The following RANBP17 variants were observed in gnomAD, a reference collection of about 807,000 sequenced individuals.
RANBP17 encodes RAN binding protein 17, also known as ran-binding protein 17.
A neutral mutation model predicts 141.2 loss-of-function variants in RANBP17; 158 were observed. The ratio of observed to expected loss-of-function variants is 1.12; its 90% CI spans 0.98 to 1.28. RANBP17 has a LOEUF of 1.28. Among genes scored for constraint, RANBP17 ranks in the 50% most tolerant of loss-of-function variants. The probability of loss-of-function intolerance (pLI) is 0.00; values close to 1 mark genes in which losing one functional copy is unlikely to be tolerated. For synonymous variants in RANBP17, 430 were observed against 450.0 expected (o/e 0.96, Z 0.56); for missense variants, 1,438 against 1,290.7 (o/e 1.11, Z -1.75).
At chr5:170,932,031 A>C (rs1387451501) in intron 12 of RANBP17, among the ~76,000 whole-genome samples, 1 of 152,064 alleles carries the variant, frequency 6.6e-6, no homozygotes, top group African/African-American at 2.4e-5. Flanking sequence ...GATTCTTCCT[A>C]TCCATGAGCA....
intron 14 of RANBP17, among the ~76,000 whole-genome samples, chr5:171,085,199 G>C (rs1332960392): frequency 7.2e-6 from 1 of 138,388 alleles, no homozygotes; most frequent in African/African-American, 2.7e-5. Context: ...AGTTTTCCCA[G>C]CACCATTTAT....
intron 24 of RANBP17, among the ~76,000 whole-genome samples, chr5:171,251,136 T>G (rs903020759): frequency 1.3e-5 from 2 of 152,230 alleles, no homozygotes; most frequent in African/African-American, 2.4e-5. Context: ...TCACCCAGGC[T>G]GGAGCACAGT....
intron 12 of RANBP17, among the ~76,000 whole-genome samples, chr5:170,950,434 G>T (rs1269524414): frequency 1.3e-5 from 2 of 151,728 alleles, no homozygotes; most frequent in Non-Finnish European, 2.9e-5. Flanking sequence ...GACATGAATA[G>T]ACATTTCTCA....
intron 12 of RANBP17, among the ~76,000 whole-genome samples, chr5:170,948,215 A>T (rs1324674278): frequency 1.3e-5 from 2 of 152,186 alleles, no homozygotes; most frequent in African/African-American, 4.8e-5. Context: ...AGTATATCAT[A>T]GCAAAAGAGG....
chr5:170,916,622 T>C (rs767536932), intron 9 of RANBP17, 38 bp downstream of exon 9: 1 of 1,364,716 alleles, frequency 7.3e-7, no homozygotes, highest in East Asian at 2.4e-5. Flanking sequence ...CATATAGAGA[T>C]ACAGTTTTTC....
At chr5:170,952,552 C>T (rs1023444599) in intron 12 of RANBP17, among the ~76,000 whole-genome samples, 19 of 152,078 alleles carry the variant, frequency 1.2e-4, no homozygotes, top group Admixed American at 3.9e-4. Context: ...CATGGGAGAA[C>T]AGAAAGAATT....
intron 3 of RANBP17, among the ~76,000 whole-genome samples, chr5:170,887,322 C>T (rs536190788): frequency 4.6e-5 from 7 of 152,200 alleles, no homozygotes; most frequent in Middle Eastern, 3.4e-3. Flanking sequence ...TTCTTTCTTT[C>T]GTGGATTATG....
intron 14 of RANBP17, among the ~76,000 whole-genome samples, chr5:171,016,586 A>C (rs10475968): frequency 0.59 from 89,503 of 151,250 alleles, 28,385 homozygotes; most frequent in South Asian, 0.88. Flanking sequence ...CACAATGTGC[A>C]GGTTTTTTAC....
chr5:171,210,793 T>A (rs1188675443), intron 20 of RANBP17, among the ~76,000 whole-genome samples: 1 of 151,394 alleles, frequency 6.6e-6, no homozygotes, highest in Non-Finnish European at 1.5e-5. Context: ...GATCATGAGG[T>A]CAAGAGATCG....
At chr5:170,927,745 G>T (rs527308313) in intron 12 of RANBP17, among the ~76,000 whole-genome samples, 2 of 151,996 alleles carry the variant, frequency 1.3e-5, no homozygotes, top group East Asian at 3.9e-4. Context: ...CCATAGTATT[G>T]CCTTACCATA....
intron 13 of RANBP17, among the ~76,000 whole-genome samples, chr5:170,961,903 A>T (rs1313931690): frequency 6.6e-6 from 1 of 152,164 alleles, no homozygotes; most frequent in Non-Finnish European, 1.5e-5. Context: ...TTCTTGAGCA[A>T]ATGGCCACTC....
At chr5:171,287,694 C>T (rs1348259223) in intron 25 of RANBP17, among the ~76,000 whole-genome samples, 1 of 151,690 alleles carries the variant, frequency 6.6e-6, no homozygotes. Context: ...GTCCTTCCTT[C>T]GCCTAAACCA....
At chr5:171,104,133 G>C (rs1229827518) in intron 14 of RANBP17, among the ~76,000 whole-genome samples, 2 of 152,210 alleles carry the variant, frequency 1.3e-5, no homozygotes, top group Non-Finnish European at 2.9e-5. Flanking sequence ...CACCTCCTGG[G>C]TTCAAGTGAT....
chr5:171,237,764 A>G (rs1209162519), intron 22 of RANBP17, among the ~76,000 whole-genome samples: 1 of 152,200 alleles, frequency 6.6e-6, no homozygotes, highest in Non-Finnish European at 1.5e-5. Flanking sequence ...AGTGCAATGT[A>G]GATCTCCCTC....
Position 171,234,193 on chromosome 5 carries a change from C to T in RANBP17, c.2423-6735C>T, listed in dbSNP as rs972766010. 8.7e-4 allele frequency among the ~76,000 whole-genome samples: 133 copies of T among 152,042 alleles called. 1 individual carries two copies. Among genetic ancestry groups the T allele is most frequent in the African/African-American group, 2.8e-3 (114 of 41,412 alleles). ...TTCCAGTAAATGAGGGAGTTAGTCA[C>T]GTGGATTCCTTGAAGACCAGTCTAG... On this transcript the variant is annotated intron_variant, in intron 22 of 27. Coordinates refer to ENST00000523189, the MANE Select transcript of RANBP17 (RefSeq NM_022897.5).
chr5:171,110,341 A>G (rs894924844), intron 14 of RANBP17, among the ~76,000 whole-genome samples: 17 of 152,212 alleles, frequency 1.1e-4, no homozygotes, highest in African/African-American at 4.1e-4. Context: ...ACATAATCAC[A>G]TAATGCTGTG....
In RANBP17 at chr5:171,236,700, A is replaced by G. The variant is rs919295; in HGVS notation, c.2423-4228A>G. Among the ~76,000 whole-genome samples the G allele has an allele frequency of 7.5e-3, 1,142 of 152,208 alleles. 13 individuals carry two copies. The highest frequency in any genetic ancestry group is 0.026 in the African/African-American group (1,080 of 41,528). ...GTTTACATTTATAGAGCACTGTGCC[A>G]GCTACTTTACATATGCTGTCTCCTT... On this transcript the variant is annotated intron_variant, in intron 22 of 27. Coordinates refer to ENST00000523189, the MANE Select transcript of RANBP17 (RefSeq NM_022897.5).
chr5:170,934,043 G>T (rs901258292), intron 12 of RANBP17, among the ~76,000 whole-genome samples: 1 of 152,142 alleles, frequency 6.6e-6, no homozygotes, highest in East Asian at 1.9e-4. Flanking sequence ...TATTGTACGG[G>T]AGTCTAAGTC....
intron 13 of RANBP17, among the ~76,000 whole-genome samples, chr5:170,957,826 C>G (rs1417963126): frequency 6.6e-6 from 1 of 152,072 alleles, no homozygotes; most frequent in Non-Finnish European, 1.5e-5. Flanking sequence ...TCAGTGTTAA[C>G]AAGTCAACAA....
Sources: gnomAD v4.1 joint callset for allele counts (sites outside exome capture counted in the v4.1 genomes callset) on GRCh38, gnomAD v4.1.1 for gene constraint, MANE v1.5 for transcripts, NCBI Gene and HGNC (gene_info 2026-07-23, HGNC 2026-07-21) for gene names.